Variants in FAM135B observed in about 807,000 individuals in gnomAD.
The protein encoded by FAM135B is family with sequence similarity 135 member B.
In FAM135B, 43 loss-of-function variants were observed where a neutral mutation model predicts 127.7. That is an observed-to-expected ratio of 0.34 (90% CI 0.26 to 0.43). The LOEUF (loss-of-function observed/expected upper bound fraction) is 0.43, where lower values mean the gene tolerates loss of function less well. Ranked by LOEUF, FAM135B falls within the 20% of genes least tolerant of loss-of-function variation. The pLI, the probability that FAM135B is intolerant of heterozygous loss-of-function variation, is 1.00. For synonymous variants in FAM135B, 670 were observed against 665.1 expected, an observed-to-expected ratio of 1.01 and a Z score of -0.11; for missense variants, 1,558 against 1,725.6, an observed-to-expected ratio of 0.90 and a Z score of 1.72.
chr8:138,467,547 T>A (rs893940571), intron 1 of FAM135B, among the ~76,000 whole-genome samples: 1 of 152,222 alleles, frequency 6.6e-6, no homozygotes, highest in Non-Finnish European at 1.5e-5. Context: ...AGTATTGCCT[T>A]AGACCTCACT....
intron 19 of FAM135B, among the ~76,000 whole-genome samples, chr8:138,133,178 C>T (rs961524643): frequency 2.0e-5 from 3 of 152,262 alleles, no homozygotes; most frequent in Admixed American, 6.5e-5. Context: ...GGGTTGGAAA[C>T]ACAGCTCAAT....
At chr8:138,237,832 G>A (rs533336936) in intron 7 of FAM135B, among the ~76,000 whole-genome samples, 2 of 152,268 alleles carry the variant, frequency 1.3e-5, no homozygotes, top group African/African-American at 2.4e-5. Flanking sequence ...GCCTCCACAA[G>A]TGCATGACCC....
At chr8:138,280,289 C>T (rs956366652) in intron 3 of FAM135B, among the ~76,000 whole-genome samples, 3 of 152,204 alleles carry the variant, frequency 2.0e-5, no homozygotes, top group Admixed American at 2.0e-4. Context: ...AGCCCGTTGG[C>T]TCTAGTATCA....
intron 7 of FAM135B, among the ~76,000 whole-genome samples, chr8:138,210,463 A>C (rs1343499574): frequency 6.6e-6 from 1 of 152,280 alleles, no homozygotes; most frequent in South Asian, 2.1e-4. Context: ...ATTGACTCAA[A>C]GTTTGGCAGG....
intron 6 of FAM135B, among the ~76,000 whole-genome samples, chr8:138,246,287 T>C (rs1366478990): frequency 6.6e-6 from 1 of 152,172 alleles, no homozygotes; most frequent in African/African-American, 2.4e-5. Context: ...CTAGGGCATG[T>C]CAGAGACCTT....
chr8:138,393,565 G>A (rs907606982), intron 1 of FAM135B, among the ~76,000 whole-genome samples: 1 of 152,124 alleles, frequency 6.6e-6, no homozygotes, highest in African/African-American at 2.4e-5. Flanking sequence ...CTGGGGGAGG[G>A]GTACAGATGC....
chr8:138,183,925 A>G (rs775707219), intron 9 of FAM135B, among the ~76,000 whole-genome samples: 20 of 152,232 alleles, frequency 1.3e-4, no homozygotes, highest in Non-Finnish European at 2.8e-4. Flanking sequence ...TCCAAATATA[A>G]ATAGAACTCA....
intron 2 of FAM135B, among the ~76,000 whole-genome samples, chr8:138,364,884 G>A (rs1363796075): frequency 6.6e-6 from 1 of 152,052 alleles, no homozygotes; most frequent in Non-Finnish European, 1.5e-5. Flanking sequence ...GTCTCGCTGT[G>A]TCACCCAGGC....
At chr8:138,349,762 T>C (rs1276819715) in intron 2 of FAM135B, among the ~76,000 whole-genome samples, 1 of 152,166 alleles carries the variant, frequency 6.6e-6, no homozygotes, top group South Asian at 2.1e-4. Flanking sequence ...CCCACTTTTC[T>C]GCAGGCTGAG....
At position 138,152,789 on chromosome 8, in the gene FAM135B, G is replaced by C. The variant is rs958476140; in HGVS notation, c.1686C>G (p.Asn562Lys). The change falls in exon 13 of 20, where the codon AAC (asparagine) becomes AAG (lysine). Residue 562 changes from asparagine (N) to lysine (K), a missense_variant. Asn to Lys is a moderately conservative substitution (Grantham distance 94). Around this residue, in one of 5 missense-constraint regions of FAM135B, gnomAD observed 923 missense variants for 865.3 expected, o/e 1.07. Coordinates refer to ENST00000395297, the MANE Select transcript of FAM135B (RefSeq NM_015912.4). ...TYIDVKSSNK[N>K]PSRAEPLVAF... ...CCACCAGGGGTTCAGCTCTGGAGGG[G>C]TTCTTATTGCTAGATTTTACGTCAA... is the stretch of plus-strand genomic sequence containing the variant. The C allele has an allele frequency of 1.2e-6, 2 of 1,614,172 alleles. No homozygotes were observed. The highest frequency in any genetic ancestry group is 2.7e-5 in the African/African-American group (2 of 75,044).
rs74693595 is a variant in FAM135B at position 138,398,750 on chromosome 8, A to T, written c.-19-30748T>A. On this transcript the variant is annotated intron_variant, in intron 1 of 19. Coordinates refer to ENST00000395297, the MANE Select transcript of FAM135B (RefSeq NM_015912.4). ...CAATGGTTTTAAGCCTATGATGAAAAGATGTTGAAATAGCTATTGAGATGT... is the reference window on the plus strand; with the variant it reads ...CAATGGTTTTAAGCCTATGATGAAATGATGTTGAAATAGCTATTGAGATGT... Among the ~76,000 whole-genome samples, 180 of 152,324 alleles carry T rather than the reference A, an allele frequency of 1.2e-3. 2 individuals carry two copies. In the East Asian group the frequency reaches 0.032, roughly 27 times the overall value.
At chr8:138,295,711 A>G (rs1825433801) in intron 3 of FAM135B, among the ~76,000 whole-genome samples, 1 of 152,156 alleles carries the variant, frequency 6.6e-6, no homozygotes, top group South Asian at 2.1e-4. Flanking sequence ...GAGATGGCCA[A>G]TCTGTGATCT....
At chr8:138,349,044 T>A (rs1306159456) in intron 2 of FAM135B, among the ~76,000 whole-genome samples, 2 of 152,232 alleles carry the variant, frequency 1.3e-5, no homozygotes, top group African/African-American at 4.8e-5. Flanking sequence ...AAGTCATCAT[T>A]CACCATGTAA....
intron 1 of FAM135B, among the ~76,000 whole-genome samples, chr8:138,380,566 C>T (rs184691111): frequency 3.5e-3 from 539 of 152,148 alleles, no homozygotes; most frequent in African/African-American, 0.013. Flanking sequence ...CTTGTCCACC[C>T]GCTCCTTACA....
At chr8:138,312,207 A>C (rs879382345) in intron 2 of FAM135B, among the ~76,000 whole-genome samples, 4 of 152,124 alleles carry the variant, frequency 2.6e-5, no homozygotes, top group Admixed American at 2.6e-4. Flanking sequence ...AGCCTCCCAA[A>C]GTGCTGGGAT....
chr8:138,495,616 C>T (rs1815360788), intron 1 of FAM135B, among the ~76,000 whole-genome samples: 1 of 152,188 alleles, frequency 6.6e-6, no homozygotes, highest in Non-Finnish European at 1.5e-5. Context: ...GGCCTACTTA[C>T]CTACATGCAC....
intron 2 of FAM135B, among the ~76,000 whole-genome samples, chr8:138,311,692 C>T (rs752097021): frequency 4.1e-4 from 63 of 152,290 alleles, no homozygotes; most frequent in Non-Finnish European, 5.1e-4. Context: ...ACCATGAACA[C>T]ATCAGTCTCC....
At chr8:138,150,171 T>A (rs1291129809) in intron 13 of FAM135B, among the ~76,000 whole-genome samples, 3 of 152,132 alleles carry the variant, frequency 2.0e-5, no homozygotes, top group African/African-American at 4.8e-5. Context: ...GCAATATGAA[T>A]ACAAACCCAA....
chr8:138,438,944 T>C (rs1166656467), intron 1 of FAM135B: 1 of 152,204 alleles, frequency 6.6e-6, no homozygotes, highest in East Asian at 1.9e-4. Context: ...AAGAGGTCAC[T>C]ATACAAACAG....
Sources: allele counts gnomAD v4.1 joint callset (sites outside exome capture counted in the v4.1 genomes callset), GRCh38; gene constraint gnomAD v4.1.1; regional missense constraint gnomAD v4.1.1; transcripts MANE v1.5; gene names NCBI Gene and HGNC (gene_info 2026-07-23, HGNC 2026-07-21).